The following PDE8B variants were observed in gnomAD, a reference collection of about 807,000 sequenced individuals.
PDE8B encodes phosphodiesterase 8B.
Under a neutral mutation model 101.3 loss-of-function variants are expected in PDE8B, and 26 were observed. That is an observed-to-expected ratio of 0.26 (90% CI 0.19 to 0.36). PDE8B has a LOEUF of 0.36. Ranked by LOEUF, PDE8B falls within the 10% of genes least tolerant of loss-of-function variation. The probability of loss-of-function intolerance (pLI) is 1.00; values close to 1 mark genes in which losing one functional copy is unlikely to be tolerated. For missense variants in PDE8B, 810 were observed against 1,163.1 expected, an observed-to-expected ratio of 0.70 and a Z score of 4.42; for synonymous variants, 424 against 429.3, an observed-to-expected ratio of 0.99 and a Z score of 0.15.
chr5:77,336,347 A>T (rs933131581), intron 5 of PDE8B, among the ~76,000 whole-genome samples: 1 of 152,218 alleles, frequency 6.6e-6, no homozygotes, highest in African/African-American at 2.4e-5. Flanking sequence ...AGCCATTTTC[A>T]TCATTCCCAA....
chr5:77,175,207 G>A, the PDE8B span, among the ~76,000 whole-genome samples: 1 of 152,104 alleles, frequency 6.6e-6, no homozygotes, highest in African/African-American at 2.4e-5. Context: ...TATGTGGATG[G>A]CTCTGACATC....
At chr5:77,136,617 T>C in the PDE8B span, among the ~76,000 whole-genome samples, 1 of 152,208 alleles carries the variant, frequency 6.6e-6, no homozygotes, top group African/African-American at 2.4e-5. Context: ...GCAGTGTGTA[T>C]GGCAGTAAGG....
At chr5:77,343,784 T>A (rs781402106) in intron 6 of PDE8B, among the ~76,000 whole-genome samples, 2 of 152,192 alleles carry the variant, frequency 1.3e-5, no homozygotes, top group African/African-American at 2.4e-5. Context: ...TTAATAACAT[T>A]TAGCTTAAAA....
At chr5:77,150,480 C>T in the PDE8B span, among the ~76,000 whole-genome samples, 1 of 152,190 alleles carries the variant, frequency 6.6e-6, no homozygotes, top group Non-Finnish European at 1.5e-5. Context: ...AAATGATCTG[C>T]ACCCAAGTCC....
rs1293891640 is a variant in PDE8B at position 77,325,703 on chromosome 5, G to A, written c.564G>A (p.Gln188=). Residue 188 remains glutamine, a synonymous_variant, in exon 3 of 22, where the codon CAG becomes CAA. Transcript: ENST00000264917. ...EIIVIDHRQT[Q]NFDAEAVCRS... ...TTGTAATTGATCATAGACAAACTCA[G>A]AACTTCGATGCAGAAGCAGTGTGCA... 2 of 1,613,234 alleles carry A rather than the reference G, an allele frequency of 1.2e-6. No individual in the cohort carries two copies. The highest frequency in any genetic ancestry group is 3.3e-5 in the Admixed American group (2 of 60,028).
At chr5:77,333,031 C>G (rs372632656) in intron 5 of PDE8B, among the ~76,000 whole-genome samples, 1 of 151,696 alleles carries the variant, frequency 6.6e-6, no homozygotes, top group African/African-American at 2.4e-5. Flanking sequence ...GAAGCAAAAA[C>G]TACCTTTGTG....
At chr5:77,423,075 A>G (rs1038108166) in intron 20 of PDE8B, among the ~76,000 whole-genome samples, 1 of 152,116 alleles carries the variant, frequency 6.6e-6, no homozygotes, top group Non-Finnish European at 1.5e-5. Context: ...TGTGTACCCA[A>G]TGTTTAGCTA....
chr5:77,107,658 C>G, the PDE8B span, among the ~76,000 whole-genome samples: 1 of 152,096 alleles, frequency 6.6e-6, no homozygotes, highest in Non-Finnish European at 1.5e-5. Context: ...GCTATAGGCT[C>G]TTTGTAGATG....
intron 5 of PDE8B, among the ~76,000 whole-genome samples, chr5:77,333,152 T>C (rs1453775308): frequency 6.6e-6 from 1 of 152,166 alleles, no homozygotes; most frequent in African/African-American, 2.4e-5. Flanking sequence ...TGTTTCCAGC[T>C]AGCAATATTT....
At chr5:77,098,901 G>A in the PDE8B span, among the ~76,000 whole-genome samples, 1 of 152,048 alleles carries the variant, frequency 6.6e-6, no homozygotes, top group Non-Finnish European at 1.5e-5. Flanking sequence ...TGCTTTTAGG[G>A]CAAACCCACT....
At chr5:77,157,083 C>G in the PDE8B span, among the ~76,000 whole-genome samples, 3 of 152,214 alleles carry the variant, frequency 2.0e-5, no homozygotes, top group Non-Finnish European at 4.4e-5. Context: ...CTTTAATCGC[C>G]CCTCCAGCCT....
chr5:77,322,586 C>T (rs537027233), intron 2 of PDE8B, among the ~76,000 whole-genome samples: 2 of 152,152 alleles, frequency 1.3e-5, no homozygotes, highest in Non-Finnish European at 2.9e-5. Context: ...GCTCATAGAA[C>T]TCTGCCTGGA....
chr5:77,257,207 T>A (rs1266865499), intron 1 of PDE8B, among the ~76,000 whole-genome samples: 1 of 152,172 alleles, frequency 6.6e-6, no homozygotes, highest in Non-Finnish European at 1.5e-5. Flanking sequence ...ATGATAGATT[T>A]AAACCCAACC....
chr5:77,236,722 T>G (rs1195112709), intron 1 of PDE8B, among the ~76,000 whole-genome samples: 2 of 152,116 alleles, frequency 1.3e-5, no homozygotes, highest in Non-Finnish European at 2.9e-5. Context: ...GATAACTATT[T>G]TGAGGAGTTT....
At chr5:77,417,964 T>C (rs1237512269) in intron 17 of PDE8B, among the ~76,000 whole-genome samples, 3 of 152,162 alleles carry the variant, frequency 2.0e-5, no homozygotes, top group African/African-American at 7.2e-5. Context: ...TTGTTTGGCC[T>C]CTTCCTGCAG....
At chr5:77,195,547 T>C in the PDE8B span, among the ~76,000 whole-genome samples, 3 of 152,174 alleles carry the variant, frequency 2.0e-5, no homozygotes, top group African/African-American at 7.2e-5. Flanking sequence ...AGTTGACCCT[T>C]GAACACTGTG....
At chr5:77,219,564 C>T (rs991825701) in intron 1 of PDE8B, among the ~76,000 whole-genome samples, 3 of 152,166 alleles carry the variant, frequency 2.0e-5, no homozygotes, top group African/African-American at 7.2e-5. Flanking sequence ...CTTTTGTCCA[C>T]TCCAGGGTTC....
intron 2 of PDE8B, among the ~76,000 whole-genome samples, chr5:77,325,096 T>C (rs1775792199): frequency 6.6e-6 from 1 of 152,206 alleles, no homozygotes; most frequent in Middle Eastern, 3.2e-3. Flanking sequence ...ATTTGAACCC[T>C]GGTAGCTTCC....
At chr5:77,336,394 C>A (rs1280600814) in intron 5 of PDE8B, among the ~76,000 whole-genome samples, 1 of 152,214 alleles carries the variant, frequency 6.6e-6, no homozygotes, top group East Asian at 1.9e-4. Context: ...TAGTCCTCCT[C>A]CCCACAGCCC....
Sources: gnomAD v4.1 joint callset for allele counts (sites outside exome capture counted in the v4.1 genomes callset) on GRCh38, gnomAD v4.1.1 for gene constraint, MANE v1.5 for transcripts, NCBI Gene and HGNC (gene_info 2026-07-23, HGNC 2026-07-21) for gene names.